Variants in UVRAG observed in about 807,000 individuals in gnomAD.
The protein encoded by UVRAG is UV radiation resistance associated, also known as UV radiation resistance-associated gene protein.
UVRAG carries 19 observed loss-of-function variants against 78.0 expected under a neutral mutation model. The ratio of observed to expected loss-of-function variants is 0.24; its 90% CI spans 0.17 to 0.36. UVRAG has a LOEUF of 0.36. UVRAG is among the 10% of genes least tolerant of loss of function. The probability of loss-of-function intolerance (pLI) is 1.00; values close to 1 mark genes in which losing one functional copy is unlikely to be tolerated. For synonymous variants in UVRAG, 323 were observed against 324.6 expected (o/e 1.00, Z 0.05); for missense variants, 740 against 853.8 (o/e 0.87, Z 1.66).
intron 14 of UVRAG, among the ~76,000 whole-genome samples, chr11:76,123,531 A>C (rs1411423727): frequency 2.6e-5 from 4 of 152,192 alleles, no homozygotes. Flanking sequence ...AAAAAGGAAG[A>C]ATAAGAATAA....
chr11:76,071,908 A>G (rs1951317896), intron 13 of UVRAG, among the ~76,000 whole-genome samples: 1 of 152,196 alleles, frequency 6.6e-6, no homozygotes, highest in Non-Finnish European at 1.5e-5. Context: ...GAGTGGGGCA[A>G]CCAAAAGATC....
At chr11:75,986,652 G>T (rs1949506605) in intron 8 of UVRAG, among the ~76,000 whole-genome samples, 2 of 152,052 alleles carry the variant, frequency 1.3e-5, no homozygotes, top group South Asian at 4.1e-4. Flanking sequence ...TTTTGCCATT[G>T]AAAGTGTATA....
chr11:75,984,688 A>G (rs1160543581), intron 8 of UVRAG, among the ~76,000 whole-genome samples: 1 of 152,200 alleles, frequency 6.6e-6, no homozygotes, highest in Non-Finnish European at 1.5e-5. Context: ...AGCCACTGCC[A>G]AGACTCAAAC....
At chr11:75,953,804 C>T (rs1036768948) in intron 6 of UVRAG, among the ~76,000 whole-genome samples, 5 of 152,152 alleles carry the variant, frequency 3.3e-5, no homozygotes, top group African/African-American at 1.2e-4. Flanking sequence ...TCTTTCCTAT[C>T]ACCAGAATAC....
intron 13 of UVRAG, among the ~76,000 whole-genome samples, chr11:76,066,259 G>T (rs1951183566): frequency 6.6e-6 from 1 of 152,152 alleles, no homozygotes; most frequent in South Asian, 2.1e-4. Flanking sequence ...GTCTGTCTTA[G>T]ATGTTTGTGG....
intron 13 of UVRAG, among the ~76,000 whole-genome samples, chr11:76,115,094 C>T (rs77526127): frequency 6.6e-6 from 1 of 152,194 alleles, no homozygotes; most frequent in African/African-American, 2.4e-5. Context: ...TACTTCGGCT[C>T]TCCTTTATGG....
chr11:75,824,121 C>A (rs1364526175), intron 1 of UVRAG, among the ~76,000 whole-genome samples: 1 of 152,118 alleles, frequency 6.6e-6, no homozygotes, highest in East Asian at 1.9e-4. Flanking sequence ...ATGTGCCTCA[C>A]GCAATGCACT....
intron 5 of UVRAG, among the ~76,000 whole-genome samples, chr11:75,890,768 G>T (rs1420526469): frequency 2.6e-5 from 4 of 152,154 alleles, no homozygotes; most frequent in African/African-American, 9.7e-5. Flanking sequence ...CAGTACTGTA[G>T]GAAGAAAGGG....
At position 75,999,250 on chromosome 11, in the gene UVRAG, A is replaced by AGAT. The variant is rs112371889; in HGVS notation, c.827-4755_827-4754insGAT. 2.3e-3 allele frequency among the ~76,000 whole-genome samples: 344 copies of AGAT among 147,342 alleles called. 12 individuals are homozygous for AGAT. Among genetic ancestry groups the AGAT allele is most frequent in the African/African-American group, 3.3e-3 (132 of 39,826 alleles). On this transcript the variant is annotated intron_variant, in intron 8 of 14. Transcript: ENST00000356136. ...TCTGCCTCAGAGAAAAAAAAAAAAA[A>AGAT]AGTCAACTTTCTAAGGCAAAAATAA...
chr11:75,863,377 A>G (rs1397447054), intron 3 of UVRAG, among the ~76,000 whole-genome samples: 2 of 152,276 alleles, frequency 1.3e-5, no homozygotes, highest in African/African-American at 4.8e-5. Context: ...TGGGGAAGAT[A>G]GAACAGAATT....
At chr11:75,846,558 A>T (rs1347705588) in intron 1 of UVRAG, among the ~76,000 whole-genome samples, 1 of 150,712 alleles carries the variant, frequency 6.6e-6, no homozygotes, top group Non-Finnish European at 1.5e-5. Flanking sequence ...TTTTAAGTTA[A>T]TTTTTGTGAA....
chr11:76,087,596 G>T (rs998846127), intron 13 of UVRAG, among the ~76,000 whole-genome samples: 1 of 152,150 alleles, frequency 6.6e-6, no homozygotes, highest in Non-Finnish European at 1.5e-5. Context: ...GAACTTCGAA[G>T]CTCGGAAAAA....
At chr11:75,966,540 A>T (rs188144269) in intron 7 of UVRAG, among the ~76,000 whole-genome samples, 1 of 152,102 alleles carries the variant, frequency 6.6e-6, no homozygotes, top group African/African-American at 2.4e-5. Context: ...TTGTCGACAT[A>T]TATGTATGAG....
intron 5 of UVRAG, among the ~76,000 whole-genome samples, chr11:75,898,730 C>A (rs1947411933): frequency 6.6e-6 from 1 of 152,156 alleles, no homozygotes; most frequent in African/African-American, 2.4e-5. Context: ...TTAGCGACAT[C>A]TCCTTTAACT....
intron 13 of UVRAG, among the ~76,000 whole-genome samples, chr11:76,104,445 A>G (rs1951935583): frequency 6.6e-6 from 1 of 152,184 alleles, no homozygotes; most frequent in Non-Finnish European, 1.5e-5. Context: ...ATAGTGTTGT[A>G]GTGAGGACTT....
chr11:75,919,888 A>G (rs1163969011), intron 6 of UVRAG, among the ~76,000 whole-genome samples: 1 of 151,966 alleles, frequency 6.6e-6, no homozygotes, highest in Non-Finnish European at 1.5e-5. Context: ...CTATTATGCC[A>G]TGTTGGTGCC....
At chr11:76,009,851 T>C (rs1331913075) in intron 11 of UVRAG, among the ~76,000 whole-genome samples, 1 of 152,204 alleles carries the variant, frequency 6.6e-6, no homozygotes, top group Non-Finnish European at 1.5e-5. Context: ...TCCTAATTGA[T>C]TGAATGAACT....
Position 75,911,720 on chromosome 11 carries a change from G to A in UVRAG, c.508-234G>A, listed in dbSNP as rs187351590. 70 of 359,918 alleles carry A rather than the reference G, an allele frequency of 1.9e-4. 1 individual carries two copies. In the East Asian group the frequency reaches 3.5e-3, roughly 18 times the overall value. The allele number at this position is 359,918 out of a possible 1,614,324, so 22.3% of individuals were successfully genotyped here. ...CGCGGGACTCAGGGCTGGGCTGGGC[G>A]CGCTCCTTCTCCACTCTTGTCAGAT... On this transcript the variant is annotated intron_variant, in intron 5 of 14. Coordinates refer to ENST00000356136, the MANE Select transcript of UVRAG (RefSeq NM_003369.4).
intron 12 of UVRAG, among the ~76,000 whole-genome samples, chr11:76,051,296 G>T (rs1950861776): frequency 6.6e-6 from 1 of 151,916 alleles, no homozygotes. Context: ...GTGGGAAACA[G>T]GTGCTGTTAA....
Sources: gnomAD v4.1 joint callset for allele counts (sites outside exome capture counted in the v4.1 genomes callset) on GRCh38, gnomAD v4.1.1 for gene constraint, MANE v1.5 for transcripts, NCBI Gene and HGNC (gene_info 2026-07-23, HGNC 2026-07-21) for gene names.